The following VEPH1 variants were observed in gnomAD, a reference collection of about 807,000 sequenced individuals.
VEPH1 encodes ventricular zone-expressed PH domain-containing protein homolog 1.
In VEPH1, 80 loss-of-function variants were observed where a neutral mutation model predicts 85.2. The observed-to-expected ratio is 0.94, with a 90% confidence interval of 0.78 to 1.13. The LOEUF is 1.13. VEPH1 is among the 50% of genes most tolerant of loss of function. The pLI, the probability that VEPH1 is intolerant of heterozygous loss-of-function variation, is 0.00. For synonymous variants in VEPH1, 297 were observed against 348.0 expected (o/e 0.85, Z 1.63); for missense variants, 955 against 980.5 (o/e 0.97, Z 0.35).
At chr3:157,405,991 T>C (rs1422055273) in intron 6 of VEPH1, among the ~76,000 whole-genome samples, 2 of 152,206 alleles carry the variant, frequency 1.3e-5, no homozygotes, top group Admixed American at 6.5e-5. Context: ...TTTGAAAGTA[T>C]ATTTTGTATG....
chr3:157,301,314 G>T (rs6799567), intron 11 of VEPH1, among the ~76,000 whole-genome samples: 32,014 of 152,082 alleles, frequency 0.21, 4,423 homozygotes, highest in Admixed American at 0.41. Flanking sequence ...CTTATAAAGA[G>T]AAACTCAGCA....
At chr3:157,441,546 A>C (rs112734954) in intron 4 of VEPH1, among the ~76,000 whole-genome samples, 4,688 of 152,256 alleles carry the variant, frequency 0.031, 276 homozygotes, top group African/African-American at 0.11. Flanking sequence ...GTGGTGGCTC[A>C]TGCCTGTAAT....
chr3:157,412,608 G>A (rs752799603), intron 6 of VEPH1, among the ~76,000 whole-genome samples: 104 of 152,140 alleles, frequency 6.8e-4, no homozygotes, highest in Non-Finnish European at 1.1e-3. Flanking sequence ...CAGAAAAGGT[G>A]ACAAGCAAGG....
chr3:157,389,685 AGATAGAT>A (rs1729673585), intron 6 of VEPH1, among the ~76,000 whole-genome samples: 1 of 148,792 alleles, frequency 6.7e-6, no homozygotes, highest in African/African-American at 2.5e-5. Flanking sequence ...ATAGATAGAT[AGATAGAT>A]AGAAATGCGT....
chr3:157,455,506 A>G lies in VEPH1; in HGVS notation c.529+4675T>C, dbSNP rs1185964351. Among the ~76,000 whole-genome samples, 8 of 151,800 alleles carry G rather than the reference A, an allele frequency of 5.3e-5. No individual in the cohort carries two copies. The East Asian group carries it at 1.4e-3, about 26-fold the overall frequency. On this transcript the variant is annotated intron_variant, in intron 4 of 13. Transcript: ENST00000362010. ...CTTGTGTCATGGGGGTTTGTTGAAC[A>G]GATTATTTTATTACCCAGGTATTAA...
Position 157,442,953 on chromosome 3 carries a change from C to T in VEPH1, c.530-14465G>A, listed in dbSNP as rs1339105991. 2.5e-6 allele frequency: 4 copies of T among 1,611,912 alleles called. No homozygotes were observed. In the Admixed American group the frequency reaches 5.0e-5, roughly 20 times the overall value. ...GTGGGGAGTCACAGAGATCCAGCCA[C>T]ATGGAGGAGCTCAGTATGTTTCATA... On this transcript the variant is annotated intron_variant, in intron 4 of 13. Transcript: ENST00000362010.
At chr3:157,425,989 G>A (rs180867984) in intron 5 of VEPH1, among the ~76,000 whole-genome samples, 17 of 152,222 alleles carry the variant, frequency 1.1e-4, no homozygotes, top group Non-Finnish European at 2.1e-4. Flanking sequence ...AGATCTGATG[G>A]TTTTATCAGG....
intron 6 of VEPH1, among the ~76,000 whole-genome samples, chr3:157,399,036 T>C (rs1730629010): frequency 1.3e-5 from 2 of 152,120 alleles, no homozygotes; most frequent in Non-Finnish European, 1.5e-5. Flanking sequence ...AGTTAAAAAA[T>C]GCCTGGCATA....
At chr3:157,349,330 T>A (rs1343033288) in intron 9 of VEPH1, among the ~76,000 whole-genome samples, 1 of 152,212 alleles carries the variant, frequency 6.6e-6, no homozygotes. Context: ...GAAAATTCAA[T>A]GTCCGTTCAT....
chr3:157,429,789 T>C (rs762474317), intron 4 of VEPH1, among the ~76,000 whole-genome samples: 1 of 152,226 alleles, frequency 6.6e-6, no homozygotes, highest in African/African-American at 2.4e-5. Flanking sequence ...AGTTAGATTA[T>C]AGAACTTAGT....
At chr3:157,429,279 G>C (rs1280647841) in intron 4 of VEPH1, among the ~76,000 whole-genome samples, 1 of 152,028 alleles carries the variant, frequency 6.6e-6, no homozygotes, top group Non-Finnish European at 1.5e-5. Flanking sequence ...TTTTGAACAA[G>C]AATTTTTTTG....
rs767843973 is a variant in VEPH1, at chr3:157,283,922, T to C, written c.2128+2635A>G. ...TTGGACCCCTTCTCCCTGAGGCTGA[T>C]AGGGCAGCTGGCCCCTGTGTGGGTG... is the stretch of plus-strand genomic sequence containing the variant. On this transcript the variant is annotated intron_variant, in intron 12 of 13. Coordinates refer to ENST00000362010, the MANE Select transcript of VEPH1 (RefSeq NM_001167912.2). Among the ~76,000 whole-genome samples, 158 of 152,204 alleles carry C rather than the reference T, an allele frequency of 1.0e-3. 1 individual carries two copies. Among genetic ancestry groups the C allele is most frequent in the Non-Finnish European group, 1.6e-3 (109 of 68,018 alleles).
intron 12 of VEPH1, among the ~76,000 whole-genome samples, chr3:157,285,676 T>C (rs1298471586): frequency 6.6e-6 from 1 of 152,220 alleles, no homozygotes; most frequent in Non-Finnish European, 1.5e-5. Context: ...ACATTAGTGA[T>C]GAAATATTTC....
rs55689001 is a variant in VEPH1 at position 157,464,174 on chromosome 3, T to C, written c.355-3819A>G. Among the ~76,000 whole-genome samples, 467 of 152,350 alleles carry C rather than the reference T, an allele frequency of 3.1e-3. 1 individual carries two copies. The highest frequency in any genetic ancestry group is 0.011 in the African/African-American group (443 of 41,590). On this transcript the variant is annotated intron_variant, in intron 3 of 13. Coordinates refer to ENST00000362010, the MANE Select transcript of VEPH1 (RefSeq NM_001167912.2). ...TTCAAAAAAGTTACTTATTAGAGCATTGGGTATTCCCCAAACATCTCAGTC... is the reference window on the plus strand; with the variant it reads ...TTCAAAAAAGTTACTTATTAGAGCACTGGGTATTCCCCAAACATCTCAGTC...
At chr3:157,319,190 T>C (rs1159709043) in intron 9 of VEPH1, among the ~76,000 whole-genome samples, 6 of 152,218 alleles carry the variant, frequency 3.9e-5, no homozygotes, top group African/African-American at 1.4e-4. Context: ...GAAACATTGG[T>C]ACAGAAGAGG....
At chr3:157,398,531 G>T (rs1730588119) in intron 6 of VEPH1, among the ~76,000 whole-genome samples, 1 of 152,114 alleles carries the variant, frequency 6.6e-6, no homozygotes, top group African/African-American at 2.4e-5. Context: ...CTACTTAGGG[G>T]GCTGAGGCAG....
chr3:157,331,874 C>T (rs1293693056), intron 9 of VEPH1, among the ~76,000 whole-genome samples: 4 of 152,134 alleles, frequency 2.6e-5, no homozygotes, highest in Non-Finnish European at 5.9e-5. Flanking sequence ...TCAGCTCAGC[C>T]CACAGTACAG....
intron 11 of VEPH1, among the ~76,000 whole-genome samples, chr3:157,295,968 T>C (rs1044359130): frequency 6.6e-6 from 1 of 151,894 alleles, no homozygotes; most frequent in Non-Finnish European, 1.5e-5. Flanking sequence ...AAAAAATAAA[T>C]AAATAAATAA....
chr3:157,266,574 C>T (rs1713676255), intron 12 of VEPH1, among the ~76,000 whole-genome samples: 1 of 152,190 alleles, frequency 6.6e-6, no homozygotes, highest in Non-Finnish European at 1.5e-5. Flanking sequence ...TCTGTTGAAT[C>T]ACCAAGCATC....
Sources: gnomAD v4.1 joint callset for allele counts (sites outside exome capture counted in the v4.1 genomes callset) on GRCh38, gnomAD v4.1.1 for gene constraint, MANE v1.5 for transcripts, NCBI Gene and HGNC (gene_info 2026-07-23, HGNC 2026-07-21) for gene names.